IWS1: variants seen among roughly 807,000 people sequenced by gnomAD.
The protein encoded by IWS1 is interacts with SUPT6H, CTD assembly factor 1.
Under a neutral mutation model 86.7 loss-of-function variants are expected in IWS1, and 27 were observed. The observed-to-expected ratio is 0.31, with a 90% confidence interval of 0.23 to 0.43. IWS1 has a LOEUF of 0.43. Ranked by LOEUF, IWS1 falls within the 20% of genes least tolerant of loss-of-function variation. The probability of loss-of-function intolerance (pLI) is 1.00; values close to 1 mark genes in which losing one functional copy is unlikely to be tolerated. For synonymous variants in IWS1, 313 were observed against 335.1 expected, an observed-to-expected ratio of 0.93 and a Z score of 0.72; for missense variants, 827 against 1,000.8, an observed-to-expected ratio of 0.83 and a Z score of 2.34.
In IWS1 at chr2:127,499,095, C is replaced by CT. The variant is rs397718564; in HGVS notation, c.1468-859dup. On this transcript the variant is annotated intron_variant, in intron 5 of 13. Transcript: ENST00000295321. The surrounding 1 kb of genome is among the most constrained non-coding windows in gnomAD (Gnocchi z 4.0). ...TTTGCCAGGCATAATTTTTCTTTTT[C>CT]TTTTTTTTTTTTTGAGACGGAGTCT... is the stretch of plus-strand genomic sequence containing the variant. 0.95 allele frequency among the ~76,000 whole-genome samples: 137,218 copies of CT among 143,764 alleles called. 65,545 individuals carry two copies. The highest frequency in any genetic ancestry group is 0.99 in the South Asian group (4,569 of 4,628). 94.3% of individuals were successfully genotyped at this position (143,764 alleles called of 152,430 possible).
At chr2:127,496,241 C>G in intron 6 of IWS1, 93 bp from the exon 7 acceptor site, 8 of 1,325,222 alleles carry the variant, frequency 6.0e-6, no homozygotes, top group Non-Finnish European at 7.2e-6. Flanking sequence ...TTTCTTAATT[C>G]TAACTCAATG....
At chr2:127,519,395 A>G (rs1164746681) in intron 2 of IWS1, among the ~76,000 whole-genome samples, 3 of 152,144 alleles carry the variant, frequency 2.0e-5, no homozygotes, top group Non-Finnish European at 2.9e-5. Flanking sequence ...TTTCTAATAA[A>G]GTGGTTAAGA....
chr2:127,495,645 G>A (rs1690474231), intron 7 of IWS1, among the ~76,000 whole-genome samples: 1 of 152,176 alleles, frequency 6.6e-6, no homozygotes, highest in Non-Finnish European at 1.5e-5. Context: ...AAGAAGCCGT[G>A]TCTTGATCAG....
At chr2:127,491,857 C>A in intron 10 of IWS1, 114 bp downstream of exon 10, 2 of 681,202 alleles carry the variant, frequency 2.9e-6, no homozygotes, top group African/African-American at 1.8e-5. Context: ...ATTTCTATTC[C>A]ACTTTACCGA....
At chr2:127,511,224 T>C (rs142147398) in intron 2 of IWS1, 1 of 152,356 alleles carries the variant, frequency 6.6e-6, no homozygotes, top group Non-Finnish European at 1.5e-5. Context: ...CTGTGGAATT[T>C]AGAGTCAGAA....
intron 8 of IWS1, among the ~76,000 whole-genome samples, chr2:127,493,648 C>T (rs1690351038): frequency 6.6e-6 from 1 of 151,378 alleles, no homozygotes; most frequent in South Asian, 2.1e-4. Flanking sequence ...ACTCAAGTTA[C>T]ACAAGATAAA....
upstream of IWS1, chr2:127,526,801 CT>C: frequency 1.2e-6 from 1 of 807,518 alleles, no homozygotes; most frequent in South Asian, 1.4e-5. Context: ...AGCCAAACCA[CT>C]GTCTTTCCCG....
chr2:127,509,541 T>C (rs1691331239), intron 2 of IWS1, among the ~76,000 whole-genome samples: 1 of 151,848 alleles, frequency 6.6e-6, no homozygotes, highest in African/African-American at 2.4e-5. Flanking sequence ...ACCCTGTCTC[T>C]ACGAAAAATG....
At chr2:127,517,693 C>T (rs1341695128) in intron 2 of IWS1, among the ~76,000 whole-genome samples, 2 of 152,112 alleles carry the variant, frequency 1.3e-5, no homozygotes, top group Non-Finnish European at 2.9e-5. Context: ...CACAGAATTA[C>T]GTTATGAGCC....
intron 2 of IWS1, chr2:127,514,632 T>A (rs1691671468): frequency 6.6e-6 from 1 of 152,314 alleles, no homozygotes. Context: ...ATCCCCCTCG[T>A]CTGGACACCG....
upstream of IWS1, chr2:127,526,722 T>A: frequency 1.6e-6 from 2 of 1,285,974 alleles, no homozygotes; most frequent in South Asian, 1.2e-5. Flanking sequence ...TGTCCGTGCC[T>A]TGTTTGAAGA....
intron 2 of IWS1, 146 bp downstream of exon 2, chr2:127,523,530 C>T (rs1325661258): frequency 1.3e-5 from 7 of 558,176 alleles, no homozygotes; most frequent in Admixed American, 1.1e-4. Flanking sequence ...ATTTATTTTT[C>T]AAGCGGTTTT....
At position 127,504,945 on chromosome 2, in the gene IWS1, C is replaced by A; in HGVS notation, c.958G>T (p.Ala320Ser). Residue 320 changes from alanine to serine, a missense_variant, in exon 3 of 14, where the codon GCG (alanine) becomes TCG (serine). Physicochemically the swap from Ala to Ser is moderately conservative, Grantham distance 99. Transcript: ENST00000295321. ...GPASDSETED[A>S]SRHKQKPESD... ...TCTGGCTTCTGTTTGTGTCTGGACG[C>A]ATCCTCAGTTTCTGAGTCACTGGCA... The A allele has an allele frequency of 6.2e-7, 1 of 1,614,194 alleles. No homozygotes were observed. Among genetic ancestry groups the A allele is most frequent in the Non-Finnish European group, 8.5e-7 (1 of 1,180,042 alleles).
At chr2:127,526,099 C>G in intron 1 of IWS1, 76 bp downstream of exon 1, 1 of 1,448,230 alleles carries the variant, frequency 6.9e-7, no homozygotes, top group East Asian at 2.5e-5. Flanking sequence ...CTTGCCCCCA[C>G]CCGCGGGGTG....
Position 127,498,135 on chromosome 2 carries a change from CT to C in IWS1, c.1565+4del. The C allele has an allele frequency of 6.4e-7, 1 of 1,566,754 alleles. No individual in the cohort carries two copies. Among genetic ancestry groups the C allele is most frequent in the Non-Finnish European group, 8.8e-7 (1 of 1,139,922 alleles). ...CTTTAACAAATTCCTTAAAAACAAACTTACTGTTTTCCTCTCTTTATGTTAT... is the reference window on the plus strand; with the variant it reads ...CTTTAACAAATTCCTTAAAAACAAACTACTGTTTTCCTCTCTTTATGTTAT... On this transcript the variant is annotated splice_donor_region_variant and intron_variant, in intron 6 of 13. Coordinates refer to ENST00000295321, the MANE Select transcript of IWS1 (RefSeq NM_017969.3).
Position 127,505,576 on chromosome 2 carries a change from T to C in IWS1, c.327A>G (p.Glu109=). Residue 109 remains glutamate (E), a synonymous_variant, in exon 3 of 14, where the codon GAA becomes GAG. Coordinates refer to ENST00000295321, the MANE Select transcript of IWS1 (RefSeq NM_017969.3). This position sits in a 1 kb window ranked among gnomAD's most constrained non-coding sequence, Gnocchi z 5.0. ...ERAEPPASDS[E]NEDVNQHGSD... ...TCCCATGCTGATTGACATCCTCATT[T>C]TCAGAATCGCTTGCAGGAGGCTCTG... The C allele has an allele frequency of 1.2e-6, 2 of 1,614,018 alleles. No homozygotes were observed. The highest frequency in any genetic ancestry group is 1.3e-5 in the African/African-American group (1 of 74,986).
At position 127,526,230 on chromosome 2, in the gene IWS1, G is replaced by A; in HGVS notation, c.-22C>T. ...CCATGGCAGGCGGACTCTCAGCGGG[G>A]AGTGTCCGCGCCCCGCGCCGCCCCC... On this transcript the variant is annotated 5_prime_UTR_variant, in exon 1 of 14. Coordinates refer to ENST00000295321, the MANE Select transcript of IWS1 (RefSeq NM_017969.3). 1.3e-6 allele frequency: 2 copies of A among 1,557,990 alleles called. No individual in the cohort carries two copies. The highest frequency in any genetic ancestry group is 2.4e-5 in the East Asian group (1 of 41,358).
chr2:127,505,059 G>T lies in IWS1; in HGVS notation c.844C>A (p.Pro282Thr), dbSNP rs751339589. The T allele has an allele frequency of 6.2e-7, 1 of 1,612,142 alleles. No individual in the cohort carries two copies. Among genetic ancestry groups the T allele is most frequent in the East Asian group, 2.2e-5 (1 of 44,858 alleles). Residue 282 changes from proline (P) to threonine (T), a missense_variant, in exon 3 of 14, where the codon CCA becomes ACA. Transcript: ENST00000295321. The surrounding 1 kb of genome is among the most constrained non-coding windows in gnomAD (Gnocchi z 5.0). ...RISDSESEDPPRNQASDSENE... is the reference protein window; with the variant it reads ...RISDSESEDPTRNQASDSENE... ...TCCGAATCACTGGCCTGGTTCCTTG[G>T]GGGATCCTCACTTTCCGAATCACTG...
chr2:127,496,199 CATTT>C, intron 6 of IWS1, 51 bp from the exon 7 acceptor site: 6 of 1,554,518 alleles, frequency 3.9e-6, no homozygotes, highest in Non-Finnish European at 5.2e-6. Context: ...TTTAAATACA[CATTT>C]ACTTTCACAA....
Sources: gnomAD v4.1 joint callset for allele counts (sites outside exome capture counted in the v4.1 genomes callset) on GRCh38, gnomAD v4.1.1 for gene constraint, Gnocchi (gnomAD v3.1) non-coding constraint, MANE v1.5 for transcripts, NCBI Gene and HGNC (gene_info 2026-07-23, HGNC 2026-07-21) for gene names.